Variants in DST observed in about 807,000 individuals in gnomAD.
The protein encoded by DST is dystonin, also known as bullous pemphigoid antigen.
In DST, 253 loss-of-function variants were observed where a neutral mutation model predicts 875.2. The observed-to-expected ratio is 0.29, with a 90% confidence interval of 0.26 to 0.32. DST has a LOEUF of 0.32. Among genes scored for constraint, DST ranks in the 10% least tolerant of loss-of-function variants. DST has a pLI of 1.00. For missense variants in DST, 8,287 were observed against 9,111.6 expected, an observed-to-expected ratio of 0.91 and a Z score of 3.68; for synonymous variants, 3,124 against 3,197.1, an observed-to-expected ratio of 0.98 and a Z score of 0.77.
At chr6:56,600,278 T>G in intron 44 of DST, 57 bp from the exon 45 acceptor site, 1 of 1,513,080 alleles carries the variant, frequency 6.6e-7, no homozygotes, top group Non-Finnish European at 9.1e-7. Context: ...AAATCGCTAT[T>G]GTGATAGCTT....
At chr6:56,508,890 C>G (rs2096403633) in intron 74 of DST, 135 bp from the exon 75 acceptor site, 1 of 660,512 alleles carries the variant, frequency 1.5e-6, no homozygotes, top group Non-Finnish European at 2.6e-6. Context: ...TTGAATGACC[C>G]CAGTCCAGTG....
At chr6:56,577,583 A>T (rs2097892651) in intron 50 of DST, among the ~76,000 whole-genome samples, 1 of 152,168 alleles carries the variant, frequency 6.6e-6, no homozygotes, top group African/African-American at 2.4e-5. Flanking sequence ...AGAATGAAAG[A>T]CAGGATTTCC....
rs147807923 is a variant in DST, at chr6:56,637,141, T to C, written c.2965-489A>G. On this transcript the variant is annotated intron_variant, in intron 22 of 103. Coordinates refer to ENST00000680361, the MANE Select transcript of DST (RefSeq NM_001374736.1). ...AAACAAGAAAATCAGGGCAGTAAAA[T>C]TTTCCTCTTATCTAAGACTTCTCAC... Among the ~76,000 whole-genome samples the C allele has an allele frequency of 1.5e-3, 230 of 151,832 alleles. 6 individuals are homozygous for C. In the East Asian group the frequency reaches 0.042, roughly 28 times the overall value.
chr6:56,871,653 C>A, intron 3 of DST: 3 of 716,764 alleles, frequency 4.2e-6, no homozygotes, highest in East Asian at 2.7e-5. Flanking sequence ...TGAAAAGGAA[C>A]AAATTGTTCC....
intron 90 of DST, among the ~76,000 whole-genome samples, chr6:56,478,167 GT>G (rs2095274311): frequency 6.6e-6 from 1 of 152,074 alleles, no homozygotes; most frequent in African/African-American, 2.4e-5. Flanking sequence ...CCAAAAATAA[GT>G]TCTAACAAAT....
chr6:56,511,157 T>C (rs751634410), intron 73 of DST, 40 bp downstream of exon 73: 1 of 1,504,880 alleles, frequency 6.6e-7, no homozygotes, highest in Admixed American at 2.0e-5. Context: ...TGCTCTGTTG[T>C]CTGCAAGAAC....
chr6:56,665,730 A>T (rs1278006230), intron 10 of DST, among the ~76,000 whole-genome samples: 2 of 152,206 alleles, frequency 1.3e-5, no homozygotes, highest in Non-Finnish European at 2.9e-5. Flanking sequence ...ACTACTTATT[A>T]GGTGTGATGC....
At position 56,734,942 on chromosome 6, in the gene DST, C is replaced by A. The variant is rs113441767; in HGVS notation, c.687+286G>T. 7.8e-3 allele frequency: 2,210 copies of A among 283,502 alleles called. 45 individuals are homozygous for A. Among genetic ancestry groups the A allele is most frequent in the African/African-American group, 0.046 (2,029 of 44,172 alleles). 17.6% of individuals were successfully genotyped at this position (283,502 alleles called of 1,614,324 possible). A position where few individuals can be genotyped will look rare whatever the true frequency, so the allele number is the denominator to read the frequency against. ...CCATGCACTAACATATAAATATTTA[C>A]AGATTTCTGAAACTTCTGAGATTTT... On this transcript the variant is annotated intron_variant, in intron 5 of 103. Coordinates refer to ENST00000680361, the MANE Select transcript of DST (RefSeq NM_001374736.1).
chr6:56,635,720 G>A lies in DST; in HGVS notation c.3061-6C>T, dbSNP rs753950967. 1.2e-5 allele frequency: 20 copies of A among 1,613,186 alleles called. 1 individual carries two copies. Among genetic ancestry groups the A allele is most frequent in the Non-Finnish European group, 1.7e-5 (20 of 1,179,792 alleles). ...TCTTTGGCATCATTGAAAAACTAAG[G>A]AAAGATGAAACCTGGAAGTTAAAGT... On this transcript the variant is annotated splice_region_variant and splice_polypyrimidine_tract_variant and intron_variant, in intron 23 of 103. Coordinates refer to ENST00000680361, the MANE Select transcript of DST (RefSeq NM_001374736.1).
chr6:56,554,125 C>T (rs1006175953), intron 60 of DST, among the ~76,000 whole-genome samples: 10 of 134,988 alleles, frequency 7.4e-5, no homozygotes, highest in Non-Finnish European at 1.2e-4. Context: ...CGCTCTGTCA[C>T]CCAGACTGGA....
Position 56,597,726 on chromosome 6 carries a change from T to C in DST, c.12195+14A>G, listed in dbSNP as rs1394122307. 18 of 1,608,944 alleles carry C rather than the reference T, an allele frequency of 1.1e-5. No homozygotes were observed. Among genetic ancestry groups the C allele is most frequent in the Non-Finnish European group, 1.4e-5 (17 of 1,176,544 alleles). On this transcript the variant is annotated intron_variant, in intron 47 of 103. Coordinates refer to ENST00000680361, the MANE Select transcript of DST (RefSeq NM_001374736.1). ...AATAGAATTGAACGATATCATATGT[T>C]TATAACAACACACCTTAACTTTCTG...
At position 56,670,646 on chromosome 6, in the gene DST, T is replaced by G. The variant is rs767374054; in HGVS notation, c.1209A>C (p.Lys403Asn). Reference protein sequence around the residue: ...DGKLFNAIIHKYRPDLIDMNT... With the variant: ...DGKLFNAIIHNYRPDLIDMNT... ...AAAATACACAAATTCCATACCTGTA[T>G]TTATGAATGATGGCATTAAATAATT... is the stretch of plus-strand genomic sequence containing the variant. The change falls in exon 10 of 104, where the codon AAA (lysine) becomes AAC (asparagine). Residue 403 changes from lysine (K) to asparagine (N), a missense_variant. By Grantham distance (94) the Lys-to-Asn change is moderately conservative (BLOSUM62 0). This residue lies in a region of DST where 1,160 missense variants were observed against 1,424.3 expected (regional missense o/e 0.81). Transcript: ENST00000680361. The G allele has an allele frequency of 1.3e-6, 2 of 1,577,470 alleles. No homozygotes were observed. Among genetic ancestry groups the G allele is most frequent in the South Asian group, 2.4e-5 (2 of 84,632 alleles).
Position 56,894,931 on chromosome 6 carries a change from G to C in DST, c.417+5490C>G, listed in dbSNP as rs1251576189. 1.3e-4 allele frequency among the ~76,000 whole-genome samples: 10 copies of C among 75,144 alleles called. No individual in the cohort carries two copies. The South Asian group carries it at 3.8e-3, about 29-fold the overall frequency. The allele number at this position is 75,144 out of a possible 152,430, so 49.3% of individuals were successfully genotyped here. ...TCCTCACTTCCCAGTAGGGGCGGCC[G>C]GGCAGAGGCGCCCCTCACCTCCCGG... On this transcript the variant is annotated intron_variant, in intron 3 of 103. Transcript: ENST00000680361.
intron 36 of DST, chr6:56,620,045 C>T (rs1290881698): frequency 1.9e-6 from 3 of 1,613,998 alleles, no homozygotes; most frequent in Non-Finnish European, 2.5e-6. Flanking sequence ...ATTTTCTCTA[C>T]ATGTATACTG....
rs746362930 is a variant in DST at position 56,605,859 on chromosome 6, A to G, written c.8769T>C (p.Pro2923=). The part of the protein sequence containing the change: ...HEMVLKDVLP[P]IIKDTESEKT... ...TTTCAGATTCAGTGTCTTTAATGAT[A>G]GGCGGCAATACATCCTTAAGTACCA... The change falls in exon 40 of 104, where the codon CCT becomes CCC. Residue 2923 remains proline, a synonymous_variant. Transcript: ENST00000680361. The G allele has an allele frequency of 1.1e-5, 17 of 1,612,570 alleles. No homozygotes were observed. Among genetic ancestry groups the G allele is most frequent in the Non-Finnish European group, 1.4e-5 (17 of 1,179,252 alleles).
At chr6:56,528,410 GT>G (rs2096838698) in intron 67 of DST, among the ~76,000 whole-genome samples, 1 of 152,176 alleles carries the variant, frequency 6.6e-6, no homozygotes, top group African/African-American at 2.4e-5. Context: ...CTATGTATCA[GT>G]TTTCTTGGTG....
At chr6:56,934,560 TTATA>T (rs60018139) in intron 2 of DST, among the ~76,000 whole-genome samples, 15,489 of 106,316 alleles carry the variant, frequency 0.15, 1,325 homozygotes, top group Non-Finnish European at 0.17. Context: ...ATATATTATA[TTATA>T]TATATATATA....
At chr6:56,617,345 C>G in intron 36 of DST, 1 of 1,614,066 alleles carries the variant, frequency 6.2e-7, no homozygotes, top group Non-Finnish European at 8.5e-7. Context: ...TTCTTCAGCA[C>G]TGGGAACTGG....
chr6:56,582,863 G>A (rs1290682370), intron 49 of DST, among the ~76,000 whole-genome samples: 2 of 151,908 alleles, frequency 1.3e-5, no homozygotes, highest in Non-Finnish European at 2.9e-5. Context: ...TTTTGGCCTT[G>A]TGATAGTTTA....
Sources: allele counts gnomAD v4.1 joint callset (sites outside exome capture counted in the v4.1 genomes callset), GRCh38; gene constraint gnomAD v4.1.1; regional missense constraint gnomAD v4.1.1; transcripts MANE v1.5; gene names NCBI Gene and HGNC (gene_info 2026-07-23, HGNC 2026-07-21).